TENT2: variants seen among roughly 807,000 people sequenced by gnomAD.
TENT2 encodes poly(A) RNA polymerase GLD2.
In TENT2, 44 loss-of-function variants were observed where a neutral mutation model predicts 72.2. That is an observed-to-expected ratio of 0.61 (90% CI 0.48 to 0.78). The LOEUF (loss-of-function observed/expected upper bound fraction) is 0.78. TENT2 is among the 30% of genes least tolerant of loss of function. TENT2 has a pLI of 0.00. For missense variants in TENT2, 541 were observed against 569.6 expected, an observed-to-expected ratio of 0.95 and a Z score of 0.51; for synonymous variants, 212 against 192.5, an observed-to-expected ratio of 1.10 and a Z score of -0.84.
intron 1 of TENT2, among the ~76,000 whole-genome samples, chr5:79,613,284 T>C (rs1434419375): frequency 2.0e-5 from 3 of 152,246 alleles, no homozygotes; most frequent in Non-Finnish European, 4.4e-5. Flanking sequence ...TCAAAACTTA[T>C]GGATTCTCTA....
intron 13 of TENT2, among the ~76,000 whole-genome samples, chr5:79,680,529 A>G (rs1168208059): frequency 6.6e-6 from 1 of 152,228 alleles, no homozygotes; most frequent in Non-Finnish European, 1.5e-5. Flanking sequence ...AGCCTTTCTA[A>G]GCACTAAAAA....
rs546441284 is a variant in TENT2 at position 79,670,335 on chromosome 5, A to T, written c.1208+1307A>T. Among the ~76,000 whole-genome samples the T allele has an allele frequency of 4.7e-3, 705 of 151,510 alleles. 3 individuals are homozygous for T. Among genetic ancestry groups the T allele is most frequent in the African/African-American group, 0.014 (588 of 41,320 alleles). The stretch of plus-strand genomic sequence containing the variant: ...CTTTTATTTATTTATTTATTTATTT[A>T]TTTTTTTGAGACGGAGTCTCACTGT... On this transcript the variant is annotated intron_variant, in intron 12 of 14. Transcript: ENST00000453514.
At position 79,685,384 on chromosome 5, in the gene TENT2, A is replaced by G. The variant is rs996046665; in HGVS notation, c.*111A>G. 2.9e-6 allele frequency: 2 copies of G among 680,230 alleles called. No individual in the cohort carries two copies. Among genetic ancestry groups the G allele is most frequent in the Non-Finnish European group, 4.6e-6 (2 of 431,684 alleles). 42.1% of individuals were successfully genotyped at this position (680,230 alleles called of 1,614,324 possible). ...TGCTTTTTTCATAGTTCTTGTTTTC[A>G]TGTTTTATTTTTAAAAAGACATATA... is the stretch of plus-strand genomic sequence containing the variant. On this transcript the variant is annotated 3_prime_UTR_variant, in exon 15 of 15. Coordinates refer to ENST00000453514, the MANE Select transcript of TENT2 (RefSeq NM_001114394.3).
In TENT2 at chr5:79,624,411, T is replaced by C. The variant is rs140970798; in HGVS notation, c.465+922T>C. ...TTTTTATTCCTCTATTATTCTTTTG[T>C]TCTTTAATTTTTTAATTTAGTTATA... On this transcript the variant is annotated intron_variant, in intron 4 of 14. Transcript: ENST00000453514. 4.1e-4 allele frequency among the ~76,000 whole-genome samples: 63 copies of C among 152,338 alleles called. 4 individuals carry two copies. The East Asian group carries it at 0.012, about 28-fold the overall frequency.
chr5:79,614,705 T>A (rs985870482), intron 1 of TENT2, among the ~76,000 whole-genome samples: 2 of 152,134 alleles, frequency 1.3e-5, no homozygotes, highest in South Asian at 4.1e-4. Context: ...TCATTCAGAG[T>A]ATGAAGAAAA....
chr5:79,661,715 C>G (rs931199823), intron 11 of TENT2, among the ~76,000 whole-genome samples: 3 of 152,190 alleles, frequency 2.0e-5, no homozygotes, highest in Non-Finnish European at 2.9e-5. Flanking sequence ...TGCTTTGATA[C>G]TGACGGCTCC....
chr5:79,616,125 G>A (rs1480983307), intron 1 of TENT2, among the ~76,000 whole-genome samples: 1 of 150,936 alleles, frequency 6.6e-6, no homozygotes, highest in African/African-American at 2.4e-5. Context: ...GACCTCAGGT[G>A]ATCTGCCCAC....
intron 11 of TENT2, among the ~76,000 whole-genome samples, chr5:79,665,696 TATA>T (rs1342483493): frequency 6.6e-6 from 1 of 152,150 alleles, no homozygotes; most frequent in African/African-American, 2.4e-5. Flanking sequence ...ACCTAAAAAA[TATA>T]ATCTTCCCTC....
Position 79,659,531 on chromosome 5 carries a change from C to CAA in TENT2, c.1071+2552_1071+2553dup, listed in dbSNP as rs1291285987. ...TCGGCGACAGAGCGAGACTCTGTCT[C>CAA]AAAAAAAAAAAAAAAAAAAAAAATG... On this transcript the variant is annotated intron_variant, in intron 11 of 14. Coordinates refer to ENST00000453514, the MANE Select transcript of TENT2 (RefSeq NM_001114394.3). Among the ~76,000 whole-genome samples, 23 of 8,950 alleles carry CAA rather than the reference C, an allele frequency of 2.6e-3. 1 individual carries two copies. Among genetic ancestry groups the CAA allele is most frequent in the East Asian group, 0.016 (4 of 244 alleles). 5.9% of individuals were successfully genotyped at this position (8,950 alleles called of 152,430 possible).
intron 14 of TENT2, among the ~76,000 whole-genome samples, chr5:79,684,439 AC>A (rs1327634402): frequency 4.6e-5 from 7 of 152,240 alleles, no homozygotes; most frequent in African/African-American, 1.7e-4. Flanking sequence ...TATTTTTTGT[AC>A]AGACAGGGTT....
chr5:79,677,673 G>A (rs1341185226), intron 12 of TENT2, among the ~76,000 whole-genome samples: 1 of 152,232 alleles, frequency 6.6e-6, no homozygotes, highest in African/African-American at 2.4e-5. Context: ...AGTATAAAGT[G>A]AAGGGATGCA....
At chr5:79,614,828 G>A (rs1328645789) in intron 1 of TENT2, among the ~76,000 whole-genome samples, 7 of 152,094 alleles carry the variant, frequency 4.6e-5, no homozygotes, top group Non-Finnish European at 1.0e-4. Flanking sequence ...TATGATAATT[G>A]TTTTGATGTC....
intron 11 of TENT2, among the ~76,000 whole-genome samples, chr5:79,666,642 A>G (rs891075242): frequency 8.3e-6 from 1 of 120,258 alleles, no homozygotes; most frequent in South Asian, 2.4e-4. Context: ...TTCATAATTC[A>G]TATTGCTATG....
chr5:79,675,158 A>G (rs941037679), intron 12 of TENT2, among the ~76,000 whole-genome samples: 1 of 152,194 alleles, frequency 6.6e-6, no homozygotes, highest in Non-Finnish European at 1.5e-5. Flanking sequence ...AGGAGAAATA[A>G]CCCATCTTGA....
At chr5:79,645,951 C>G (rs144239201) in intron 8 of TENT2, among the ~76,000 whole-genome samples, 2 of 152,114 alleles carry the variant, frequency 1.3e-5, no homozygotes, top group Non-Finnish European at 2.9e-5. Flanking sequence ...AATATTCATA[C>G]GCTTTTGTGG....
In TENT2 at chr5:79,688,116, C is replaced by T. The variant is rs1325760112; in HGVS notation, c.*2843C>T. On this transcript the variant is annotated 3_prime_UTR_variant, in exon 15 of 15. Coordinates refer to ENST00000453514, the MANE Select transcript of TENT2 (RefSeq NM_001114394.3). Reference sequence around the variant, plus strand: ...TACTGTAATTCAATGATTTACAGTTCATTACCTCCAGACATAATGCATGCA... The same window carrying T: ...TACTGTAATTCAATGATTTACAGTTTATTACCTCCAGACATAATGCATGCA... Among the ~76,000 whole-genome samples, 1 of 152,190 alleles carries T rather than the reference C, an allele frequency of 6.6e-6. No homozygotes were observed. The highest frequency in any genetic ancestry group is 1.5e-5 in the Non-Finnish European group (1 of 68,040).
In TENT2 at chr5:79,670,011, C is replaced by T. The variant is rs377261702; in HGVS notation, c.1208+983C>T. ...TGGGAGGCCGAGGCAGGTGAGGTCG[C>T]GAGTTCGAGACCAGCCAGACCAACA... On this transcript the variant is annotated intron_variant, in intron 12 of 14. Transcript: ENST00000453514. Among the ~76,000 whole-genome samples the T allele has an allele frequency of 5.3e-5, 8 of 151,670 alleles. No homozygotes were observed. The South Asian group carries it at 1.7e-3, about 32-fold the overall frequency.
chr5:79,622,896 G>C (rs1029847329), intron 3 of TENT2, among the ~76,000 whole-genome samples: 1 of 151,928 alleles, frequency 6.6e-6, no homozygotes, highest in Non-Finnish European at 1.5e-5. Flanking sequence ...TCACTTAATC[G>C]TATCTTCCTT....
chr5:79,638,010 G>A (rs1781541492), intron 4 of TENT2, among the ~76,000 whole-genome samples: 1 of 151,592 alleles, frequency 6.6e-6, no homozygotes, highest in African/African-American at 2.4e-5. Flanking sequence ...ATGTTGTCCA[G>A]GATGGTCTTG....
Sources: gnomAD v4.1 joint callset for allele counts (sites outside exome capture counted in the v4.1 genomes callset) on GRCh38, gnomAD v4.1.1 for gene constraint, MANE v1.5 for transcripts, NCBI Gene and HGNC (gene_info 2026-07-23, HGNC 2026-07-21) for gene names.